Variants in RIMS1 observed in about 807,000 individuals in gnomAD.
RIMS1 encodes the protein regulating synaptic membrane exocytosis 1.
Under a neutral mutation model 214.1 loss-of-function variants are expected in RIMS1, and 83 were observed. That is an observed-to-expected ratio of 0.39 (90% CI 0.32 to 0.47). The LOEUF (loss-of-function observed/expected upper bound fraction) is 0.47, where lower values mean the gene tolerates loss of function less well. Among genes scored for constraint, RIMS1 ranks in the 20% least tolerant of loss-of-function variants. RIMS1 has a pLI of 0.99. For synonymous variants in RIMS1, 793 were observed against 786.8 expected, an observed-to-expected ratio of 1.01 and a Z score of -0.13; for missense variants, 2,050 against 2,161.8, an observed-to-expected ratio of 0.95 and a Z score of 1.03.
intron 2 of RIMS1, among the ~76,000 whole-genome samples, chr6:71,973,750 C>A (rs1796456622): frequency 6.6e-6 from 1 of 152,106 alleles, no homozygotes; most frequent in Non-Finnish European, 1.5e-5. Context: ...ACTGATAGAT[C>A]CTAGCGAGAA....
intron 28 of RIMS1, chr6:72,316,725 C>A: frequency 1.5e-6 from 1 of 651,660 alleles, no homozygotes. Context: ...GATCCCAGAG[C>A]AGCCTGGGGG....
At chr6:72,068,402 A>G (rs1339691053) in intron 2 of RIMS1, among the ~76,000 whole-genome samples, 3 of 152,144 alleles carry the variant, frequency 2.0e-5, no homozygotes, top group Admixed American at 2.0e-4. Flanking sequence ...TAGATAAAAT[A>G]TTTTCTTTAC....
At chr6:72,276,083 C>T (rs1004694830) in intron 23 of RIMS1, among the ~76,000 whole-genome samples, 4 of 152,116 alleles carry the variant, frequency 2.6e-5, no homozygotes, top group Admixed American at 6.5e-5. Context: ...TGTGGTGGCA[C>T]ATGCCTGTAG....
chr6:72,140,348 A>G (rs2041931726), intron 4 of RIMS1, among the ~76,000 whole-genome samples: 1 of 152,256 alleles, frequency 6.6e-6, no homozygotes, highest in South Asian at 2.1e-4. Context: ...TATATTGGTA[A>G]CATAGTTAAA....
intron 22 of RIMS1, among the ~76,000 whole-genome samples, chr6:72,273,718 C>T (rs545342169): frequency 2.0e-5 from 3 of 152,230 alleles, no homozygotes; most frequent in East Asian, 1.9e-4. Flanking sequence ...TTATCAGTAT[C>T]GTTTACTTAC....
At chr6:71,918,716 C>A (rs575018087) in intron 1 of RIMS1, among the ~76,000 whole-genome samples, 9 of 152,198 alleles carry the variant, frequency 5.9e-5, no homozygotes, top group African/African-American at 1.9e-4. Flanking sequence ...GGATCAAAGT[C>A]TTTGCATAAG....
intron 4 of RIMS1, among the ~76,000 whole-genome samples, chr6:72,169,553 A>G (rs1387569935): frequency 6.6e-6 from 1 of 151,888 alleles, no homozygotes; most frequent in Non-Finnish European, 1.5e-5. Flanking sequence ...AAAATGAGGG[A>G]TGGTTAGGAA....
At chr6:72,328,625 G>A (rs1048834988) in intron 28 of RIMS1, among the ~76,000 whole-genome samples, 12 of 151,630 alleles carry the variant, frequency 7.9e-5, no homozygotes, top group African/African-American at 2.9e-4. Context: ...AAGTAAGAAT[G>A]TTTTTGTCAC....
At chr6:72,272,672 G>A (rs1217426398) in intron 22 of RIMS1, among the ~76,000 whole-genome samples, 1 of 151,988 alleles carries the variant, frequency 6.6e-6, no homozygotes, top group East Asian at 1.9e-4. Context: ...CACAAGGACT[G>A]GAATTTTGCC....
intron 4 of RIMS1, among the ~76,000 whole-genome samples, chr6:72,113,256 C>G (rs1322975368): frequency 6.6e-6 from 1 of 152,104 alleles, no homozygotes; most frequent in Non-Finnish European, 1.5e-5. Context: ...TTCCATTCAT[C>G]CGTCTTGGAT....
At chr6:72,098,289 CTTTT>C (rs58934201) in intron 3 of RIMS1, among the ~76,000 whole-genome samples, 1 of 143,346 alleles carries the variant, frequency 7.0e-6, no homozygotes. Flanking sequence ...ATCAATATAT[CTTTT>C]TTTTTTTTTT....
At chr6:72,202,889 C>T (rs1032949452) in intron 6 of RIMS1, among the ~76,000 whole-genome samples, 3 of 152,160 alleles carry the variant, frequency 2.0e-5, no homozygotes, top group Non-Finnish European at 2.9e-5. Context: ...TTGCACATAC[C>T]GCATGGAGTA....
chr6:72,137,963 C>A (rs538550892), intron 4 of RIMS1, among the ~76,000 whole-genome samples: 2 of 152,086 alleles, frequency 1.3e-5, no homozygotes, highest in African/African-American at 4.8e-5. Context: ...GTCTCGATCT[C>A]CTGACCTCGT....
chr6:72,161,301 C>A (rs1380104377), intron 4 of RIMS1, among the ~76,000 whole-genome samples: 4 of 139,474 alleles, frequency 2.9e-5, no homozygotes, highest in African/African-American at 9.9e-5. Flanking sequence ...GTCTTGCTAG[C>A]AGTCTATCAA....
rs537490736 is a variant in RIMS1 at position 72,375,160 on chromosome 6, T to A, written c.4367-15438T>A. Among the ~76,000 whole-genome samples, 6 of 152,314 alleles carry A rather than the reference T, an allele frequency of 3.9e-5. No homozygotes were observed. The South Asian group carries it at 1.2e-3, about 32-fold the overall frequency. ...CCATGACCCTGAGGTTGGGGACCCC[T>A]GCTTTAAAAGGACTAGCCAGTCAGA... On this transcript the variant is annotated intron_variant, in intron 29 of 33. Coordinates refer to ENST00000521978, the MANE Select transcript of RIMS1 (RefSeq NM_014989.7).
chr6:72,243,831 C>T (rs920544882), intron 10 of RIMS1, among the ~76,000 whole-genome samples: 2 of 151,176 alleles, frequency 1.3e-5, no homozygotes, highest in African/African-American at 4.8e-5. Flanking sequence ...ACATGGAATA[C>T]AAAAATTATA....
chr6:72,239,785 C>T (rs1206523403), intron 9 of RIMS1, among the ~76,000 whole-genome samples: 1 of 152,142 alleles, frequency 6.6e-6, no homozygotes, highest in Admixed American at 6.5e-5. Flanking sequence ...GCTCTGTAGC[C>T]TTGTCCTCTA....
At chr6:72,273,388 T>C (rs2084435144) in intron 22 of RIMS1, among the ~76,000 whole-genome samples, 1 of 152,098 alleles carries the variant, frequency 6.6e-6, no homozygotes, top group South Asian at 2.1e-4. Flanking sequence ...AGCCAATATC[T>C]AGAGAAAAAT....
At chr6:72,261,334 G>A (rs183844773) in intron 19 of RIMS1, 19 of 988,712 alleles carry the variant, frequency 1.9e-5, no homozygotes, top group Middle Eastern at 5.2e-4. Context: ...TAGCCCACCA[G>A]TTGTCAGAAA....
Sources: gnomAD v4.1 joint callset for allele counts (sites outside exome capture counted in the v4.1 genomes callset) on GRCh38, gnomAD v4.1.1 for gene constraint, MANE v1.5 for transcripts, NCBI Gene and HGNC (gene_info 2026-07-23, HGNC 2026-07-21) for gene names.